DLC1: variants seen among roughly 807,000 people sequenced by gnomAD.
DLC1 encodes rho GTPase-activating protein 7.
Under a neutral mutation model 140.3 loss-of-function variants are expected in DLC1, and 54 were observed. That is an observed-to-expected ratio of 0.38 (90% CI 0.31 to 0.48). The LOEUF is 0.48. Ranked by LOEUF, DLC1 falls within the 20% of genes least tolerant of loss-of-function variation. The pLI is 0.96. For missense variants in DLC1, 2,536 were observed against 1,907.0 expected (o/e 1.33, Z -6.14); for synonymous variants, 986 against 728.1 (o/e 1.35, Z -5.70).
chr8:13,143,620 G>C (rs1008087517), intron 5 of DLC1, among the ~76,000 whole-genome samples: 1 of 94,014 alleles, frequency 1.1e-5, no homozygotes, highest in Non-Finnish European at 2.4e-5. Flanking sequence ...CACCCTGGTT[G>C]ATTTTTTTTT....
intron 5 of DLC1, among the ~76,000 whole-genome samples, chr8:13,220,061 G>T (rs1179225254): frequency 6.6e-6 from 1 of 152,146 alleles, no homozygotes; most frequent in African/African-American, 2.4e-5. Flanking sequence ...GGGTACAGGG[G>T]TTTCCTTCTG....
At chr8:13,332,161 A>G (rs1481421750) in intron 4 of DLC1, among the ~76,000 whole-genome samples, 1 of 152,242 alleles carries the variant, frequency 6.6e-6, no homozygotes, top group Non-Finnish European at 1.5e-5. Context: ...AACAAAACAC[A>G]AAACACCTTA....
At chr8:13,323,106 G>C (rs185080726) in intron 4 of DLC1, among the ~76,000 whole-genome samples, 34 of 152,296 alleles carry the variant, frequency 2.2e-4, no homozygotes, top group African/African-American at 7.9e-4. Context: ...CATAGGCTCA[G>C]CTAGATCCAC....
intron 4 of DLC1, among the ~76,000 whole-genome samples, chr8:13,336,637 C>T (rs1014233490): frequency 6.6e-6 from 1 of 152,160 alleles, no homozygotes; most frequent in African/African-American, 2.4e-5. Flanking sequence ...GGTTTGAATA[C>T]AAGCTCTGTC....
rs183962451 is a variant in DLC1 at position 13,418,818 on chromosome 8, T to A, written c.1024-17199A>T. ...ATTACCTTGGGCAGTGTGGCCATTT[T>A]CACAATATTGATTCTTCCTACCCAT... On this transcript the variant is annotated intron_variant, in intron 2 of 17. Transcript: ENST00000276297. Among the ~76,000 whole-genome samples, 273 of 152,328 alleles carry A rather than the reference T, an allele frequency of 1.8e-3. 1 individual carries two copies. Among genetic ancestry groups the A allele is most frequent in the African/African-American group, 6.4e-3 (265 of 41,576 alleles).
rs951203851 is a variant in DLC1, at chr8:13,392,463, C to T, written c.1314+1090G>A. Reference sequence around the variant, plus strand: ...AAATGACATATTTTCATTCTTCTTGCAATTGCAGCAAATCTGTCATGTTTT... The same window carrying T: ...AAATGACATATTTTCATTCTTCTTGTAATTGCAGCAAATCTGTCATGTTTT... On this transcript the variant is annotated intron_variant, in intron 4 of 17. Coordinates refer to ENST00000276297, the MANE Select transcript of DLC1 (RefSeq NM_182643.3). Among the ~76,000 whole-genome samples the T allele has an allele frequency of 3.3e-5, 5 of 152,066 alleles. No homozygotes were observed. In the East Asian group the frequency reaches 9.6e-4, roughly 29 times the overall value.
intron 4 of DLC1, among the ~76,000 whole-genome samples, chr8:13,387,608 T>C (rs577047967): frequency 2.0e-5 from 3 of 152,186 alleles, no homozygotes; most frequent in South Asian, 2.1e-4. Context: ...CTGGTTTACA[T>C]TGAAATTACT....
intron 1 of DLC1, 85 bp downstream of exon 1, chr8:13,514,517 C>G: frequency 2.5e-6 from 1 of 398,282 alleles, no homozygotes; most frequent in Non-Finnish European, 4.4e-6. Flanking sequence ...GTCACCAACT[C>G]CGTGCAAGAT....
chr8:13,165,072 C>T (rs1279795215), intron 5 of DLC1, among the ~76,000 whole-genome samples: 1 of 152,160 alleles, frequency 6.6e-6, no homozygotes, highest in East Asian at 1.9e-4. Flanking sequence ...TCTCTTTCTA[C>T]TAGGGTTGTC....
At chr8:13,350,639 C>G (rs1456152398) in intron 4 of DLC1, among the ~76,000 whole-genome samples, 1 of 152,068 alleles carries the variant, frequency 6.6e-6, no homozygotes, top group Non-Finnish European at 1.5e-5. Flanking sequence ...TCGCTTGAAC[C>G]AGGGAGGCGG....
At chr8:13,353,819 T>A (rs1834793078) in intron 4 of DLC1, among the ~76,000 whole-genome samples, 1 of 150,808 alleles carries the variant, frequency 6.6e-6, no homozygotes, top group Non-Finnish European at 1.5e-5. Context: ...ATTGTGCCAC[T>A]GCACTCCAGC....
At chr8:13,483,176 T>A (rs1800815126) in intron 2 of DLC1, among the ~76,000 whole-genome samples, 1 of 152,212 alleles carries the variant, frequency 6.6e-6, no homozygotes, top group African/African-American at 2.4e-5. Flanking sequence ...TGTCTGTGTG[T>A]CCATGTCTGC....
At chr8:13,234,027 A>C (rs1161058875) in intron 5 of DLC1, among the ~76,000 whole-genome samples, 1 of 152,206 alleles carries the variant, frequency 6.6e-6, no homozygotes, top group Admixed American at 6.5e-5. Context: ...TTGAAAACAG[A>C]GTATGCACAA....
rs148812196 is a variant in DLC1, at chr8:13,137,608, T to G, written c.1349-21951A>C. On this transcript the variant is annotated intron_variant, in intron 5 of 17. Transcript: ENST00000276297. ...GGACATCAGTTTTTGGTTTTGTTTT[T>G]TTTTTTTTTTGAGATGGAGTTTCAC... 3.2e-3 allele frequency among the ~76,000 whole-genome samples: 476 copies of G among 151,078 alleles called. 3 individuals carry two copies. Among genetic ancestry groups the G allele is most frequent in the African/African-American group, 0.011 (452 of 41,182 alleles).
At chr8:13,604,497 A>G (rs1805983409) in intron 1 of DLC1, 1 of 152,212 alleles carries the variant, frequency 6.6e-6, no homozygotes, top group African/African-American at 2.4e-5. Context: ...ATATTGTTAT[A>G]TATGATACAA....
chr8:13,445,475 G>A (rs17093498), intron 2 of DLC1, among the ~76,000 whole-genome samples: 22,309 of 152,122 alleles, frequency 0.15, 1,752 homozygotes, highest in African/African-American at 0.19. Flanking sequence ...AGCCTGTAGT[G>A]TCCAACATTC....
chr8:13,318,165 C>A (rs550295972), intron 4 of DLC1, among the ~76,000 whole-genome samples: 2 of 151,624 alleles, frequency 1.3e-5, no homozygotes, highest in East Asian at 3.9e-4. Context: ...GTAGCTAGGA[C>A]TAGCATGCAC....
At chr8:13,462,534 G>T (rs1432100674) in intron 2 of DLC1, among the ~76,000 whole-genome samples, 1 of 151,252 alleles carries the variant, frequency 6.6e-6, no homozygotes, top group Non-Finnish European at 1.5e-5. Context: ...CTCCCGAGTA[G>T]GTGGGACTAC....
chr8:13,328,398 C>T (rs957711081), intron 4 of DLC1, among the ~76,000 whole-genome samples: 1 of 152,002 alleles, frequency 6.6e-6, no homozygotes, highest in South Asian at 2.1e-4. Context: ...GGGTTGATTG[C>T]GGGAGTGTAG....
Sources: gnomAD v4.1 joint callset for allele counts (sites outside exome capture counted in the v4.1 genomes callset) on GRCh38, gnomAD v4.1.1 for gene constraint, MANE v1.5 for transcripts, NCBI Gene and HGNC (gene_info 2026-07-23, HGNC 2026-07-21) for gene names.